Variants in CBFA2T3 observed in about 807,000 individuals in gnomAD.
The protein encoded by CBFA2T3 is CBFA2/RUNX1 partner transcriptional co-repressor 3.
In CBFA2T3, 31 loss-of-function variants were observed where a neutral mutation model predicts 58.6. That is an observed-to-expected ratio of 0.53 (90% CI 0.40 to 0.71). CBFA2T3 has a LOEUF of 0.71. Ranked by LOEUF, CBFA2T3 falls within the 30% of genes least tolerant of loss-of-function variation. The probability of loss-of-function intolerance (pLI) is 0.00; values close to 1 mark genes in which losing one functional copy is unlikely to be tolerated. For synonymous variants in CBFA2T3, 531 were observed against 421.9 expected, an observed-to-expected ratio of 1.26 and a Z score of -3.17; for missense variants, 1,076 against 963.1, an observed-to-expected ratio of 1.12 and a Z score of -1.55.
At chr16:88,909,479 T>C (rs963325663) in intron 1 of CBFA2T3, among the ~76,000 whole-genome samples, 3 of 151,656 alleles carry the variant, frequency 2.0e-5, no homozygotes, top group East Asian at 1.9e-4. Flanking sequence ...ACATCCCGGG[T>C]GACCCCGACG....
At position 88,876,286 on chromosome 16, in the gene CBFA2T3, T is replaced by G. The variant is rs1438795685; in HGVS notation, c.*690A>C. 2 of 227,860 alleles carry G rather than the reference T, an allele frequency of 8.8e-6. No homozygotes were observed. The highest frequency in any genetic ancestry group is 4.4e-5 in the African/African-American group (2 of 44,960). The allele number at this position is 227,860 out of a possible 1,614,324, so 14.1% of individuals were successfully genotyped here. ...TACTTAAAGCCAAAGAGTTTAACAT[T>G]ACAGGAAAAAAAAATCTGAAACCAA... On this transcript the variant is annotated 3_prime_UTR_variant, in exon 12 of 12. Transcript: ENST00000268679.
intron 1 of CBFA2T3, among the ~76,000 whole-genome samples, chr16:88,970,720 C>T (rs915454648): frequency 2.0e-5 from 3 of 152,224 alleles, no homozygotes; most frequent in African/African-American, 7.2e-5. Context: ...GAGGCCTCGC[C>T]TCGCCTGGAG....
intron 1 of CBFA2T3, among the ~76,000 whole-genome samples, chr16:88,931,372 C>T (rs1028576435): frequency 1.3e-5 from 2 of 152,142 alleles, no homozygotes; most frequent in Non-Finnish European, 2.9e-5. Context: ...TTGCTGCAAA[C>T]AACCCCCTTC....
At chr16:88,963,273 G>GCTCGTCTTCTGCCAGGGGTGGGCA (rs1567637352) in intron 1 of CBFA2T3, among the ~76,000 whole-genome samples, 30 of 151,310 alleles carry the variant, frequency 2.0e-4, no homozygotes, top group Non-Finnish European at 4.0e-4. Context: ...AGGGGTGGGC[G>GCTCGTCTTCTGCCAGGGGTGGGCA]CTCGTCTTCT....
intron 1 of CBFA2T3, among the ~76,000 whole-genome samples, chr16:88,936,494 A>C (rs1971505175): frequency 6.6e-6 from 1 of 151,546 alleles, no homozygotes; most frequent in East Asian, 1.9e-4. Flanking sequence ...CCACGACCCC[A>C]GCCTCAGGGG....
At chr16:88,909,932 G>A (rs1165024105) in intron 1 of CBFA2T3, among the ~76,000 whole-genome samples, 4 of 152,184 alleles carry the variant, frequency 2.6e-5, no homozygotes, top group African/African-American at 7.2e-5. Context: ...TGGATTTCTG[G>A]GGAACCAGAG....
intron 1 of CBFA2T3, among the ~76,000 whole-genome samples, chr16:88,929,250 G>T (rs1024984091): frequency 3.3e-5 from 5 of 150,248 alleles, no homozygotes; most frequent in African/African-American, 1.2e-4. Context: ...ACAACCCAGG[G>T]CGCCCCTGAA....
At chr16:88,911,123 G>C (rs1009407527) in intron 1 of CBFA2T3, among the ~76,000 whole-genome samples, 6 of 152,248 alleles carry the variant, frequency 3.9e-5, no homozygotes, top group Non-Finnish European at 7.3e-5. Flanking sequence ...TCTCTCCCAG[G>C]CCCTTCCAGG....
chr16:88,931,761 G>A (rs1035123330), intron 1 of CBFA2T3, among the ~76,000 whole-genome samples: 3 of 152,152 alleles, frequency 2.0e-5, no homozygotes, highest in African/African-American at 7.2e-5. Flanking sequence ...TGGTCCCTGG[G>A]TCTGGGCAGG....
chr16:88,957,978 G>A (rs866653116), intron 1 of CBFA2T3, among the ~76,000 whole-genome samples: 2 of 152,362 alleles, frequency 1.3e-5, no homozygotes, highest in African/African-American at 4.8e-5. Flanking sequence ...TGAGATGGGT[G>A]AGTTGTAAGA....
rs538414824 is a variant in CBFA2T3, at chr16:88,903,177, G to A, written c.152-1521C>T. The stretch of plus-strand genomic sequence containing the variant: ...CCACGGCCACGCGGACTCTGTGGAA[G>A]GTGACGGATAAATGACTTCTACAGC... On this transcript the variant is annotated intron_variant, in intron 1 of 11. Transcript: ENST00000268679. Among the ~76,000 whole-genome samples, 3 of 152,358 alleles carry A rather than the reference G, an allele frequency of 2.0e-5. No individual in the cohort carries two copies. In the South Asian group the frequency reaches 6.2e-4, roughly 32 times the overall value.
In CBFA2T3 at chr16:88,903,023, A is replaced by T. The variant is rs367821545; in HGVS notation, c.152-1367T>A. Among the ~76,000 whole-genome samples, 529 of 152,264 alleles carry T rather than the reference A, an allele frequency of 3.5e-3. 2 individuals carry two copies. Among genetic ancestry groups the T allele is most frequent in the Middle Eastern group, 0.024 (7 of 294 alleles). On this transcript the variant is annotated intron_variant, in intron 1 of 11. Transcript: ENST00000268679. ...TCACCCACAGCCTGGGGCATGAAAC[A>T]GGTGAGGCCACAGTTGGGGGCTGGT...
chr16:88,975,183 T>TGC (rs1972805874), intron 1 of CBFA2T3, among the ~76,000 whole-genome samples: 11 of 104,774 alleles, frequency 1.0e-4, no homozygotes, highest in East Asian at 2.2e-4. Context: ...GCTCCACATC[T>TGC]TTAGCCATGT....
At chr16:88,949,818 C>G (rs1180316930) in intron 1 of CBFA2T3, among the ~76,000 whole-genome samples, 4 of 152,022 alleles carry the variant, frequency 2.6e-5, no homozygotes, top group Admixed American at 2.0e-4. Context: ...CAAGACCAGC[C>G]TGGCCGACAT....
At chr16:88,973,937 C>T (rs543483035) in intron 1 of CBFA2T3, among the ~76,000 whole-genome samples, 92 of 152,120 alleles carry the variant, frequency 6.0e-4, no homozygotes, top group African/African-American at 1.9e-3. Flanking sequence ...CCATAACACC[C>T]GCCCGCCTTT....
At chr16:88,968,194 C>T (rs1030617597) in intron 1 of CBFA2T3, among the ~76,000 whole-genome samples, 1 of 152,198 alleles carries the variant, frequency 6.6e-6, no homozygotes, top group African/African-American at 2.4e-5. Context: ...AAGGGTGGAC[C>T]ACAGGGGACT....
intron 1 of CBFA2T3, among the ~76,000 whole-genome samples, chr16:88,936,453 G>A (rs8045567): frequency 0.28 from 41,580 of 148,686 alleles, 7,140 homozygotes; most frequent in Middle Eastern, 0.49. Context: ...TATCCACCAC[G>A]ACCCCAGCCT....
intron 5 of CBFA2T3, among the ~76,000 whole-genome samples, chr16:88,888,756 C>T (rs1358302623): frequency 6.6e-6 from 1 of 151,748 alleles, no homozygotes; most frequent in Non-Finnish European, 1.5e-5. Flanking sequence ...CCTAGAAGCG[C>T]CATGTCAGAG....
intron 1 of CBFA2T3, among the ~76,000 whole-genome samples, chr16:88,927,013 C>T (rs945490144): frequency 6.6e-6 from 1 of 152,204 alleles, no homozygotes; most frequent in African/African-American, 2.4e-5. Context: ...GTCCTTCCCT[C>T]CTCCCGCAGC....
Sources: allele counts gnomAD v4.1 joint callset (sites outside exome capture counted in the v4.1 genomes callset), GRCh38; gene constraint gnomAD v4.1.1; transcripts MANE v1.5; gene names NCBI Gene and HGNC (gene_info 2026-07-23, HGNC 2026-07-21).